Variants in NXPE2 observed in about 807,000 individuals in gnomAD.
NXPE2 encodes the protein neurexophilin and PC-esterase domain family member 2, also known as NXPE family member 2.
Under a neutral mutation model 34.4 loss-of-function variants are expected in NXPE2, and 34 were observed. The observed-to-expected ratio is 0.99, with a 90% CI of 0.75 to 1.31. The LOEUF (loss-of-function observed/expected upper bound fraction) is 1.31, where lower values mean the gene tolerates loss of function less well. Ranked by LOEUF, NXPE2 falls within the 40% of genes most tolerant of loss-of-function variation. The pLI, the probability that NXPE2 is intolerant of heterozygous loss-of-function variation, is 0.00. For synonymous variants in NXPE2, 235 were observed against 231.3 expected, an observed-to-expected ratio of 1.02 and a Z score of -0.15; for missense variants, 649 against 672.5, an observed-to-expected ratio of 0.97 and a Z score of 0.39.
At chr11:114,735,947 AAG>A in the NXPE2 span, among the ~76,000 whole-genome samples, 3 of 152,142 alleles carry the variant, frequency 2.0e-5, no homozygotes, top group African/African-American at 7.2e-5. Context: ...CAGAGTACAA[AAG>A]AGAGAAATTT....
At chr11:114,615,248 A>C in the NXPE2 span, among the ~76,000 whole-genome samples, 2 of 151,772 alleles carry the variant, frequency 1.3e-5, no homozygotes, top group African/African-American at 4.8e-5. Flanking sequence ...ACTGTTACCC[A>C]GTGGATTATA....
chr11:114,634,102 C>T, the NXPE2 span, among the ~76,000 whole-genome samples: 4 of 151,718 alleles, frequency 2.6e-5, no homozygotes, highest in African/African-American at 4.8e-5. Context: ...GTTCCTATTT[C>T]TCCACATCCT....
At chr11:114,609,076 A>T in the NXPE2 span, among the ~76,000 whole-genome samples, 2 of 151,852 alleles carry the variant, frequency 1.3e-5, no homozygotes, top group Non-Finnish European at 2.9e-5. Flanking sequence ...AACCACTGTT[A>T]TCCGGTGGAT....
the NXPE2 span, among the ~76,000 whole-genome samples, chr11:114,601,645 A>AATTATAT: frequency 1.3e-5 from 1 of 76,000 alleles, no homozygotes. Flanking sequence ...AATTATATAT[A>AATTATAT]ATTATATATT....
downstream of NXPE2, chr11:114,707,618 C>A (rs1421243273): frequency 5.8e-6 from 1 of 173,574 alleles, no homozygotes; most frequent in Non-Finnish European, 1.3e-5. Context: ...TGTTGTGAAA[C>A]CCTCATCATG....
chr11:114,599,342 G>A, the NXPE2 span, among the ~76,000 whole-genome samples: 1 of 152,052 alleles, frequency 6.6e-6, no homozygotes, highest in African/African-American at 2.4e-5. Flanking sequence ...GTATTTTGGT[G>A]GCAACAATTT....
chr11:114,501,084 A>G, the NXPE2 span, among the ~76,000 whole-genome samples: 20 of 152,242 alleles, frequency 1.3e-4, no homozygotes, highest in Non-Finnish European at 1.9e-4. Context: ...CCATTATTTT[A>G]GGGCCATGTC....
chr11:114,631,723 T>A, the NXPE2 span, among the ~76,000 whole-genome samples: 1 of 151,534 alleles, frequency 6.6e-6, no homozygotes, highest in Non-Finnish European at 1.5e-5. Flanking sequence ...CGGTGGGTAA[T>A]AAGTATTGCC....
the NXPE2 span, among the ~76,000 whole-genome samples, chr11:114,721,493 G>A: frequency 6.6e-6 from 1 of 152,076 alleles, no homozygotes; most frequent in East Asian, 1.9e-4. Context: ...TTAGAGAAAG[G>A]GAGCCTGAGC....
At chr11:114,512,583 G>A in the NXPE2 span, 1 of 152,346 alleles carries the variant, frequency 6.6e-6, no homozygotes, top group East Asian at 1.9e-4. Context: ...GTGTGGGGAA[G>A]GTCACCTGAT....
the NXPE2 span, among the ~76,000 whole-genome samples, chr11:114,560,280 T>TC: frequency 6.6e-6 from 1 of 151,124 alleles, no homozygotes; most frequent in African/African-American, 2.4e-5. Context: ...TTTCTTTTTT[T>TC]TTTTTTTTTG....
At chr11:114,555,820 T>A in the NXPE2 span, among the ~76,000 whole-genome samples, 1 of 152,246 alleles carries the variant, frequency 6.6e-6, no homozygotes, top group African/African-American at 2.4e-5. Context: ...CTTATGATTA[T>A]GTTTTTGAAG....
At chr11:114,506,169 CAAG>C in the NXPE2 span, among the ~76,000 whole-genome samples, 1 of 142,544 alleles carries the variant, frequency 7.0e-6, no homozygotes, top group South Asian at 2.2e-4. Flanking sequence ...TTCAATTCAA[CAAG>C]AAGATCTAGC....
the NXPE2 span, among the ~76,000 whole-genome samples, chr11:114,769,568 C>G: frequency 6.6e-6 from 1 of 152,110 alleles, no homozygotes; most frequent in East Asian, 1.9e-4. Flanking sequence ...ACCCAAATGC[C>G]CATCAATGAT....
chr11:114,651,970 C>T, the NXPE2 span, among the ~76,000 whole-genome samples: 1 of 152,218 alleles, frequency 6.6e-6, no homozygotes, highest in Non-Finnish European at 1.5e-5. Context: ...TTCACAGTGG[C>T]ACTCCAGCTT....
chr11:114,687,307 G>T (rs1048764267), intron 2 of NXPE2, among the ~76,000 whole-genome samples: 2 of 151,916 alleles, frequency 1.3e-5, no homozygotes, highest in Non-Finnish European at 2.9e-5. Context: ...AGAGGCGGGG[G>T]TCCAGTTTTA....
the NXPE2 span, among the ~76,000 whole-genome samples, chr11:114,797,460 T>C: frequency 6.6e-6 from 1 of 152,120 alleles, no homozygotes; most frequent in Non-Finnish European, 1.5e-5. Context: ...AAATAAGGGT[T>C]AGTAAGGTAG....
upstream of NXPE2, among the ~76,000 whole-genome samples, chr11:114,674,578 A>C (rs989186170): frequency 1.3e-5 from 2 of 150,998 alleles, no homozygotes; most frequent in South Asian, 2.1e-4. Flanking sequence ...TACCACCACA[A>C]AAAAAAAATC....
the NXPE2 span, among the ~76,000 whole-genome samples, chr11:114,498,837 G>T: frequency 1.3e-5 from 2 of 152,036 alleles, no homozygotes; most frequent in Non-Finnish European, 2.9e-5. Flanking sequence ...AGATTAGTTT[G>T]TGATTTCCTT....
Sources: allele counts gnomAD v4.1 joint callset (sites outside exome capture counted in the v4.1 genomes callset), GRCh38; gene constraint gnomAD v4.1.1; transcripts MANE v1.5; gene names NCBI Gene and HGNC (gene_info 2026-07-23, HGNC 2026-07-21).